The following SLC35F3 variants were observed in gnomAD, a reference collection of about 807,000 sequenced individuals.
SLC35F3 encodes putative thiamine transporter SLC35F3.
In SLC35F3, 25 loss-of-function variants were observed where a neutral mutation model predicts 49.9. That is an observed-to-expected ratio of 0.50 (90% CI 0.37 to 0.70). SLC35F3 has a LOEUF of 0.70. Among genes scored for constraint, SLC35F3 ranks in the 30% least tolerant of loss-of-function variants. The probability of loss-of-function intolerance (pLI) is 0.00; values close to 1 mark genes in which losing one functional copy is unlikely to be tolerated. For synonymous variants in SLC35F3, 275 were observed against 265.4 expected, an observed-to-expected ratio of 1.04 and a Z score of -0.35; for missense variants, 525 against 639.8, an observed-to-expected ratio of 0.82 and a Z score of 1.94.
chr1:234,007,626 C>A (rs1663650169), intron 2 of SLC35F3, among the ~76,000 whole-genome samples: 1 of 152,224 alleles, frequency 6.6e-6, no homozygotes, highest in Non-Finnish European at 1.5e-5. Context: ...CCTTTGCTTC[C>A]TTTGCTCTTT....
At chr1:234,242,846 A>G (rs1667574715) in intron 3 of SLC35F3, among the ~76,000 whole-genome samples, 2 of 152,210 alleles carry the variant, frequency 1.3e-5, no homozygotes, top group South Asian at 4.1e-4. Context: ...AAAGCACTGG[A>G]TATTAAAGCT....
chr1:234,250,819 G>A (rs1001221374), intron 3 of SLC35F3, among the ~76,000 whole-genome samples: 5 of 152,040 alleles, frequency 3.3e-5, no homozygotes, highest in African/African-American at 1.2e-4. Context: ...AGAGGAGGGG[G>A]CACCACACTC....
At chr1:233,914,772 A>G (rs1661941196) in intron 2 of SLC35F3, among the ~76,000 whole-genome samples, 1 of 151,526 alleles carries the variant, frequency 6.6e-6, no homozygotes, top group South Asian at 2.1e-4. Flanking sequence ...TTTTTTTTGT[A>G]CATGATGTCT....
chr1:234,222,579 G>A (rs1667224647), intron 2 of SLC35F3, among the ~76,000 whole-genome samples: 1 of 152,186 alleles, frequency 6.6e-6, no homozygotes, highest in Non-Finnish European at 1.5e-5. Context: ...GCACCGCCTT[G>A]GTGAGTCTGG....
At chr1:234,236,893 G>A (rs1667478401) in intron 3 of SLC35F3, among the ~76,000 whole-genome samples, 1 of 138,304 alleles carries the variant, frequency 7.2e-6, no homozygotes, top group Non-Finnish European at 1.5e-5. Context: ...ACTCACAACT[G>A]AGTGGGAGAC....
chr1:234,174,580 G>A (rs1185083406), intron 2 of SLC35F3, among the ~76,000 whole-genome samples: 5 of 152,110 alleles, frequency 3.3e-5, no homozygotes, highest in Non-Finnish European at 7.4e-5. Context: ...TCACCTGCCC[G>A]AGGTCACACA....
chr1:234,319,009 A>T lies in SLC35F3; in HGVS notation c.1147+66A>T, dbSNP rs1440050370. 2.2e-6 allele frequency: 3 copies of T among 1,379,046 alleles called. No individual in the cohort carries two copies. The East Asian group carries it at 6.9e-5, about 32-fold the overall frequency. 85.4% of individuals were successfully genotyped at this position (1,379,046 alleles called of 1,614,324 possible). A position where few individuals can be genotyped will look rare whatever the true frequency, so the allele number is the denominator to read the frequency against. ...CACCCACAGAGGACCCTCAGGAAAC[A>T]TGTTCCCTGAAGGCAGAAAACAGTG... On this transcript the variant is annotated intron_variant, in intron 6 of 7. Transcript: ENST00000366618.
chr1:234,282,961 C>A (rs772391826), intron 3 of SLC35F3, among the ~76,000 whole-genome samples: 13 of 152,182 alleles, frequency 8.5e-5, no homozygotes, highest in Admixed American at 2.0e-4. Context: ...GAAAGAGAAC[C>A]TGGAGAACTA....
rs549141912 is a variant in SLC35F3 at position 234,247,694 on chromosome 1, C to T, written c.608+15953C>T. 4.7e-5 allele frequency among the ~76,000 whole-genome samples: 7 copies of T among 150,298 alleles called. No individual in the cohort carries two copies. In the East Asian group the frequency reaches 1.2e-3, roughly 26 times the overall value. On this transcript the variant is annotated intron_variant, in intron 3 of 7. Transcript: ENST00000366618. The stretch of plus-strand genomic sequence containing the variant: ...TGTTCTGTGGGTCGGTTGGCTGGTC[C>T]ATTGTTCAGTGGGTTGGTTGGCTGG...
intron 2 of SLC35F3, among the ~76,000 whole-genome samples, chr1:233,949,970 C>G (rs1662576440): frequency 6.6e-6 from 1 of 152,118 alleles, no homozygotes; most frequent in East Asian, 1.9e-4. Context: ...CTAGTCAGGC[C>G]TGGTGGGGAA....
At chr1:234,108,344 A>T (rs1228408110) in intron 2 of SLC35F3, among the ~76,000 whole-genome samples, 5 of 120,372 alleles carry the variant, frequency 4.2e-5, no homozygotes, top group African/African-American at 1.2e-4. Flanking sequence ...TATATATAAA[A>T]GATATATATT....
intron 2 of SLC35F3, among the ~76,000 whole-genome samples, chr1:234,150,970 A>C (rs2102908440): frequency 6.6e-6 from 1 of 152,228 alleles, no homozygotes; most frequent in South Asian, 2.1e-4. Context: ...GCACGCTAAA[A>C]CTGGATGGGG....
intron 2 of SLC35F3, among the ~76,000 whole-genome samples, chr1:234,199,038 G>A (rs562097565): frequency 4.2e-5 from 6 of 144,178 alleles, no homozygotes; most frequent in Non-Finnish European, 7.5e-5. Flanking sequence ...GGGCAACATA[G>A]TGAGTCCTTA....
At chr1:234,075,805 A>G (rs550735642) in intron 2 of SLC35F3, among the ~76,000 whole-genome samples, 12 of 152,110 alleles carry the variant, frequency 7.9e-5, no homozygotes, top group African/African-American at 2.9e-4. Context: ...AAAAGGTTAA[A>G]CAACACCACA....
In SLC35F3 at chr1:233,946,317, CT is replaced by C. The variant is rs1216475764; in HGVS notation, c.283+40560del. ...CACAAATTCAGGATACATGTTTCAT[CT>C]GAATATCCAGAACTCAGACAAAGCC... On this transcript the variant is annotated intron_variant, in intron 2 of 7. Coordinates refer to ENST00000366618, the MANE Select transcript of SLC35F3 (RefSeq NM_173508.4). 5.9e-5 allele frequency among the ~76,000 whole-genome samples: 9 copies of C among 152,308 alleles called. No homozygotes were observed. In the East Asian group the frequency reaches 1.5e-3, roughly 26 times the overall value.
intron 2 of SLC35F3, among the ~76,000 whole-genome samples, chr1:234,169,220 A>T (rs562237589): frequency 6.6e-6 from 1 of 152,240 alleles, no homozygotes; most frequent in East Asian, 1.9e-4. Context: ...TGGCAAGGGC[A>T]GATCTTCTTT....
chr1:234,240,166 G>A (rs972260031), intron 3 of SLC35F3, among the ~76,000 whole-genome samples: 7 of 152,188 alleles, frequency 4.6e-5, no homozygotes, highest in African/African-American at 1.4e-4. Context: ...TGATTATGAG[G>A]TCATAAAATG....
intron 2 of SLC35F3, among the ~76,000 whole-genome samples, chr1:234,153,869 C>G (rs887404075): frequency 6.6e-6 from 1 of 151,694 alleles, no homozygotes; most frequent in Admixed American, 6.6e-5. Flanking sequence ...GTCAGGAGAT[C>G]GAGACCATGC....
intron 2 of SLC35F3, among the ~76,000 whole-genome samples, chr1:233,915,582 A>G (rs1211737617): frequency 1.3e-5 from 2 of 152,200 alleles, no homozygotes; most frequent in Non-Finnish European, 2.9e-5. Flanking sequence ...CTAAAAGAAA[A>G]AAAGGAATAG....
Sources: allele counts gnomAD v4.1 joint callset (sites outside exome capture counted in the v4.1 genomes callset), GRCh38; gene constraint gnomAD v4.1.1; transcripts MANE v1.5; gene names NCBI Gene and HGNC (gene_info 2026-07-23, HGNC 2026-07-21).